Variants in EBF3 observed in about 807,000 individuals in gnomAD.
EBF3 encodes the protein transcription factor COE3.
Under a neutral mutation model 77.1 loss-of-function variants are expected in EBF3, and 18 were observed. The observed-to-expected ratio is 0.23, with a 90% CI of 0.16 to 0.35. The LOEUF (loss-of-function observed/expected upper bound fraction) is 0.35, where lower values mean the gene tolerates loss of function less well. Among genes scored for constraint, EBF3 ranks in the 10% least tolerant of loss-of-function variants. The pLI is 1.00. For missense variants in EBF3, 558 were observed against 860.0 expected (o/e 0.65, Z 4.39); for synonymous variants, 350 against 343.5 (o/e 1.02, Z -0.21).
rs1185901075 is a variant in EBF3 at position 129,952,672 on chromosome 10, A to C, written c.554+4586T>G. Among the ~76,000 whole-genome samples, 2 of 152,170 alleles carry C rather than the reference A, an allele frequency of 1.3e-5. No homozygotes were observed. Among genetic ancestry groups the C allele is most frequent in the Non-Finnish European group, 2.9e-5 (2 of 68,034 alleles). On this transcript the variant is annotated intron_variant, in intron 6 of 16. Coordinates refer to ENST00000440978, the MANE Select transcript of EBF3 (RefSeq NM_001375380.1). This position sits in a 1 kb window ranked among gnomAD's most constrained non-coding sequence, Gnocchi z 4.7. Reference sequence around the variant, plus strand: ...GGAATAAAAACATTGGGACTGGTCAAATGTTTATCCTCCCCGCTTCTGAAA... The same window carrying C: ...GGAATAAAAACATTGGGACTGGTCACATGTTTATCCTCCCCGCTTCTGAAA...
At position 129,841,156 on chromosome 10, in the gene EBF3, T is replaced by C; in HGVS notation, c.1373-124A>G. 7.7e-7 allele frequency: 1 copy of C among 1,292,348 alleles called. No homozygotes were observed. Among genetic ancestry groups the C allele is most frequent in the South Asian group, 1.5e-5 (1 of 66,886 alleles). The allele number at this position is 1,292,348 out of a possible 1,614,324, so 80.1% of individuals were successfully genotyped here. Reference sequence around the variant, plus strand: ...AATTGACCCTGTGCTTTCCACCTGCTCTAGCGCCTGCTGCCAGCTCGGATG... The same window carrying C: ...AATTGACCCTGTGCTTTCCACCTGCCCTAGCGCCTGCTGCCAGCTCGGATG... On this transcript the variant is annotated intron_variant, in intron 13 of 16. Coordinates refer to ENST00000440978, the MANE Select transcript of EBF3 (RefSeq NM_001375380.1). This position sits in a 1 kb window ranked among gnomAD's most constrained non-coding sequence, Gnocchi z 4.6.
In EBF3 at chr10:129,835,361, T is replaced by C. The variant is rs1237390624; in HGVS notation, c.*2582A>G. On this transcript the variant is annotated 3_prime_UTR_variant, in exon 17 of 17. Transcript: ENST00000440978. ...TTATACAGTTAAATATCTGAAAAAATGTACAGATAAAACAATCTTATTGTA... is the reference window on the plus strand; with the variant it reads ...TTATACAGTTAAATATCTGAAAAAACGTACAGATAAAACAATCTTATTGTA... 6.6e-6 allele frequency: 1 copy of C among 152,436 alleles called. No homozygotes were observed. Among genetic ancestry groups the C allele is most frequent in the Non-Finnish European group, 1.5e-5 (1 of 68,024 alleles). The allele number at this position is 152,436 out of a possible 1,614,324, so 9.4% of individuals were successfully genotyped here.
In EBF3 at chr10:129,889,946, C is replaced by CTT. The variant is rs10665456; in HGVS notation, c.555-12099_555-12098dup. ...AAATGAGCAAAGCCCATTGAAGTGC[C>CTT]TTTTTTTTTTTTTTTTTTTTTTTTT... On this transcript the variant is annotated intron_variant, in intron 6 of 16. Coordinates refer to ENST00000440978, the MANE Select transcript of EBF3 (RefSeq NM_001375380.1). Among the ~76,000 whole-genome samples, 357 of 82,862 alleles carry CTT rather than the reference C, an allele frequency of 4.3e-3. 37 individuals carry two copies. The highest frequency in any genetic ancestry group is 0.037 in the East Asian group (74 of 2,006). 54.4% of individuals were successfully genotyped at this position (82,862 alleles called of 152,430 possible).
At chr10:129,917,356 G>A (rs1021090980) in intron 6 of EBF3, among the ~76,000 whole-genome samples, 5 of 152,116 alleles carry the variant, frequency 3.3e-5, no homozygotes, top group South Asian at 4.2e-4. Context: ...GCGACAGGGC[G>A]AGACTCCGTC....
Position 129,938,741 on chromosome 10 carries a change from CA to C in EBF3, c.554+18516del, listed in dbSNP as rs1857530301. On this transcript the variant is annotated intron_variant, in intron 6 of 16. Transcript: ENST00000440978. This position sits in a 1 kb window ranked among gnomAD's most constrained non-coding sequence, Gnocchi z 5.1. Reference sequence around the variant, plus strand: ...GTGTCCTGGGACCTGGCCTGTGCTCCAAGCAAGTCAAGGCCATTGAGTCAAT... The same window carrying C: ...GTGTCCTGGGACCTGGCCTGTGCTCCAGCAAGTCAAGGCCATTGAGTCAAT... Among the ~76,000 whole-genome samples, 1 of 152,216 alleles carries C rather than the reference CA, an allele frequency of 6.6e-6. No individual in the cohort carries two copies. The highest frequency in any genetic ancestry group is 2.1e-4 in the South Asian group (1 of 4,822).
intron 15 of EBF3, 64 bp from the exon 16 acceptor site, chr10:129,839,259 T>C (rs1409409451): frequency 1.3e-6 from 1 of 763,524 alleles, no homozygotes; most frequent in Non-Finnish European, 2.0e-6. Flanking sequence ...AAGGAGTAAC[T>C]GGATTTGAGT....
chr10:129,865,499 G>C (rs557577148), intron 10 of EBF3, among the ~76,000 whole-genome samples: 6 of 152,152 alleles, frequency 3.9e-5, no homozygotes, highest in Admixed American at 3.9e-4. Flanking sequence ...GCTCCTGAGC[G>C]CCTGGTCCTG....
At position 129,839,483 on chromosome 10, in the gene EBF3, G is replaced by A. The variant is rs532452494; in HGVS notation, c.1760-288C>T. ...GCCAGGCGCTGGGCAGGCACAGGGTGCCCACCCCGTGTGGCCTCATCTGTG... is the reference window on the plus strand; with the variant it reads ...GCCAGGCGCTGGGCAGGCACAGGGTACCCACCCCGTGTGGCCTCATCTGTG... On this transcript the variant is annotated intron_variant, in intron 15 of 16. Transcript: ENST00000440978. Among the ~76,000 whole-genome samples the A allele has an allele frequency of 6.6e-5, 10 of 152,326 alleles. No homozygotes were observed. In the South Asian group the frequency reaches 2.1e-3, roughly 32 times the overall value.
rs1858762522 is a variant in EBF3 at position 129,952,777 on chromosome 10, G to A, written c.554+4481C>T. On this transcript the variant is annotated intron_variant, in intron 6 of 16. Coordinates refer to ENST00000440978, the MANE Select transcript of EBF3 (RefSeq NM_001375380.1). This position sits in a 1 kb window ranked among gnomAD's most constrained non-coding sequence, Gnocchi z 4.7. ...GGCTTGGTAATAATCATACATAATC[G>A]TTTGGAAATATAGCTAATAAAAAAT... is the stretch of plus-strand genomic sequence containing the variant. 6.6e-6 allele frequency among the ~76,000 whole-genome samples: 1 copy of A among 152,136 alleles called. No homozygotes were observed. The highest frequency in any genetic ancestry group is 6.6e-5 in the Admixed American group (1 of 15,262).
intron 6 of EBF3, among the ~76,000 whole-genome samples, chr10:129,937,236 G>A (rs1033393211): frequency 6.6e-6 from 1 of 151,996 alleles, no homozygotes; most frequent in Admixed American, 6.5e-5. Flanking sequence ...GAAAGAGCCT[G>A]GGGTTCCGGG....
chr10:129,871,609 T>C (rs1479884501), intron 8 of EBF3, among the ~76,000 whole-genome samples: 1 of 151,900 alleles, frequency 6.6e-6, no homozygotes, highest in Non-Finnish European at 1.5e-5. Context: ...AGGGAAGGGG[T>C]TTGGGGGACA....
intron 6 of EBF3, among the ~76,000 whole-genome samples, chr10:129,942,396 A>G (rs1857823853): frequency 6.6e-6 from 1 of 152,218 alleles, no homozygotes; most frequent in South Asian, 2.1e-4. Context: ...ACGCTGGGGG[A>G]AAGGCCTACA....
intron 6 of EBF3, among the ~76,000 whole-genome samples, chr10:129,884,434 G>A: frequency 6.6e-6 from 1 of 151,978 alleles, no homozygotes; most frequent in East Asian, 1.9e-4. Context: ...GCTATTACTG[G>A]GCTCACGTTC....
At chr10:129,886,778 T>C (rs886756184) in intron 6 of EBF3, among the ~76,000 whole-genome samples, 2 of 152,072 alleles carry the variant, frequency 1.3e-5, no homozygotes, top group African/African-American at 2.4e-5. Flanking sequence ...GTTAGCTCCA[T>C]CCTACCAGTG....
chr10:129,959,354 C>T (rs1447110838), intron 4 of EBF3, among the ~76,000 whole-genome samples: 3 of 151,858 alleles, frequency 2.0e-5, no homozygotes, highest in Non-Finnish European at 2.9e-5. Flanking sequence ...TGGCACCGAC[C>T]CCGGAACCCG....
intron 6 of EBF3, among the ~76,000 whole-genome samples, chr10:129,878,839 A>AAAAAAAAG (rs1564849972): frequency 1.2e-4 from 17 of 146,932 alleles, no homozygotes; most frequent in Non-Finnish European, 1.8e-4. Flanking sequence ...AAAAAAAAAA[A>AAAAAAAAG]AAAAAAATCT....
intron 10 of EBF3, among the ~76,000 whole-genome samples, chr10:129,858,462 C>A (rs917246643): frequency 6.6e-6 from 1 of 152,124 alleles, no homozygotes; most frequent in African/African-American, 2.4e-5. Flanking sequence ...GCCCACAGGC[C>A]TAAGCTTGGG....
intron 6 of EBF3, among the ~76,000 whole-genome samples, chr10:129,896,246 C>A (rs1189619864): frequency 6.6e-6 from 1 of 152,194 alleles, no homozygotes; most frequent in Admixed American, 6.5e-5. Context: ...CCAAAAAAAC[C>A]CAGGCCGGCT....
chr10:129,855,689 G>A (rs1851203638), intron 10 of EBF3, among the ~76,000 whole-genome samples: 1 of 152,150 alleles, frequency 6.6e-6, no homozygotes, highest in Non-Finnish European at 1.5e-5. Flanking sequence ...AAAAGGAAGA[G>A]ACACCACCCA....
Sources: gnomAD v4.1 joint callset for allele counts (sites outside exome capture counted in the v4.1 genomes callset) on GRCh38, gnomAD v4.1.1 for gene constraint, Gnocchi (gnomAD v3.1) non-coding constraint, MANE v1.5 for transcripts, NCBI Gene and HGNC (gene_info 2026-07-23, HGNC 2026-07-21) for gene names.